HSPA4L: variants seen among roughly 807,000 people sequenced by gnomAD.
HSPA4L encodes heat shock 70 kDa protein 4L.
In HSPA4L, 48 loss-of-function variants were observed where a neutral mutation model predicts 100.3. The ratio of observed to expected loss-of-function variants is 0.48; its 90% CI spans 0.38 to 0.61. The LOEUF is 0.61. Ranked by LOEUF, HSPA4L falls within the 20% of genes least tolerant of loss-of-function variation. HSPA4L has a pLI of 0.00. For missense variants in HSPA4L, 886 were observed against 988.6 expected, an observed-to-expected ratio of 0.90 and a Z score of 1.39; for synonymous variants, 319 against 328.2, an observed-to-expected ratio of 0.97 and a Z score of 0.30.
chr4:127,812,955 G>A, intron 12 of HSPA4L: 1 of 815,804 alleles, frequency 1.2e-6, no homozygotes, highest in Non-Finnish European at 2.1e-6. Context: ...CAAGAATCTT[G>A]CCCTTAACTT....
In HSPA4L at chr4:127,803,775, T is replaced by C. The variant is rs1733264365; in HGVS notation, c.810T>C (p.Cys270=). 1 of 1,613,928 alleles carries C rather than the reference T, an allele frequency of 6.2e-7. No individual in the cohort carries two copies. Among genetic ancestry groups the C allele is most frequent in the Non-Finnish European group, 8.5e-7 (1 of 1,180,000 alleles). ...CCTTGTTGCGTTTATATCAGGAATG[T>C]GAAAAACTAAAGAAGCTAATGAGTG... The part of the protein sequence containing the change: ...SRALLRLYQE[C]EKLKKLMSAN... Residue 270 remains cysteine (C), a synonymous_variant, in exon 7 of 19, where the codon TGT becomes TGC. Coordinates refer to ENST00000296464, the MANE Select transcript of HSPA4L (RefSeq NM_014278.4).
upstream of HSPA4L, chr4:127,782,288 C>A (rs527743858): frequency 2.5e-5 from 12 of 471,046 alleles, no homozygotes; most frequent in East Asian, 5.0e-4. Context: ...AGGCGCAGGT[C>A]CCAGTAACCG....
At chr4:127,787,694 A>G (rs1055545528) in intron 1 of HSPA4L, among the ~76,000 whole-genome samples, 14 of 152,190 alleles carry the variant, frequency 9.2e-5, no homozygotes, top group Non-Finnish European at 2.1e-4. Flanking sequence ...CCATTGATAC[A>G]GTGACTGTTT....
chr4:127,813,926 G>C (rs1393462604), intron 12 of HSPA4L, among the ~76,000 whole-genome samples: 68 of 152,282 alleles, frequency 4.5e-4, no homozygotes, highest in Non-Finnish European at 1.0e-4. Flanking sequence ...TTACAGGTGT[G>C]AGCCACTGCG....
At chr4:127,799,491 G>T (rs1222857776) in intron 4 of HSPA4L, among the ~76,000 whole-genome samples, 4 of 152,056 alleles carry the variant, frequency 2.6e-5, no homozygotes, top group Non-Finnish European at 4.4e-5. Flanking sequence ...CAAAAAGTAG[G>T]ATACTGAGAT....
chr4:127,802,691 T>C (rs978322971), intron 6 of HSPA4L, among the ~76,000 whole-genome samples: 1 of 152,196 alleles, frequency 6.6e-6, no homozygotes, highest in African/African-American at 2.4e-5. Flanking sequence ...GAAAATCTGA[T>C]CAAGGCTATA....
intron 1 of HSPA4L, among the ~76,000 whole-genome samples, chr4:127,787,789 T>G (rs1330870773): frequency 6.6e-6 from 1 of 152,008 alleles, no homozygotes; most frequent in East Asian, 1.9e-4. Flanking sequence ...TTTGCTGAGA[T>G]GAGTGAAAAG....
chr4:127,805,668 G>C lies in HSPA4L; in HGVS notation c.1138-19G>C, dbSNP rs533891706. The C allele has an allele frequency of 3.9e-6, 6 of 1,546,452 alleles. No individual in the cohort carries two copies. In the South Asian group the frequency reaches 4.5e-5, roughly 12 times the overall value. On this transcript the variant is annotated intron_variant, in intron 9 of 18. Coordinates refer to ENST00000296464, the MANE Select transcript of HSPA4L (RefSeq NM_014278.4). ...TTTTGTATTTGTTGATTTAAATATG[G>C]TATACATCTTATTTTCAGTGTGCGA...
At chr4:127,832,352 T>C (rs974355064) in intron 18 of HSPA4L, among the ~76,000 whole-genome samples, 9 of 152,182 alleles carry the variant, frequency 5.9e-5, no homozygotes, top group Non-Finnish European at 1.2e-4. Flanking sequence ...GTAATTCTCA[T>C]AGCAAAGCAT....
intron 11 of HSPA4L, 83 bp downstream of exon 11, chr4:127,808,212 T>G: frequency 8.5e-7 from 1 of 1,174,722 alleles, no homozygotes; most frequent in East Asian, 2.4e-5. Flanking sequence ...CAAATAGACA[T>G]TTCAGCTAAG....
At chr4:127,826,549 C>T (rs1212096035) in intron 16 of HSPA4L, among the ~76,000 whole-genome samples, 8 of 152,128 alleles carry the variant, frequency 5.3e-5, no homozygotes, top group Non-Finnish European at 1.2e-4. Context: ...TAGTAATGCT[C>T]CAGTGGTAGT....
Position 127,839,022 on chromosome 4 carries a change from G to A in HSPA4L, c.*6148G>A, listed in dbSNP as rs183916277. ...TCTGGCCTTGGAATACTTTAATTCC[G>A]GACCAAAAGAGGTCAATTTTGTGAG... On this transcript the variant is annotated 3_prime_UTR_variant, in exon 19 of 19. Coordinates refer to ENST00000296464, the MANE Select transcript of HSPA4L (RefSeq NM_014278.4). 81 of 151,994 alleles carry A rather than the reference G, an allele frequency of 5.3e-4. No individual in the cohort carries two copies. The highest frequency in any genetic ancestry group is 1.7e-3 in the African/African-American group (69 of 41,418). 9.4% of individuals were successfully genotyped at this position (151,994 alleles called of 1,614,324 possible).
rs767436936 is a variant in HSPA4L at position 127,794,095 on chromosome 4, A to C, written c.126A>C (p.Gly42=). The change falls in exon 2 of 19, where the codon GGA becomes GGC. Residue 42 remains glycine, a synonymous_variant. Coordinates refer to ENST00000296464, the MANE Select transcript of HSPA4L (RefSeq NM_014278.4). Reference sequence around the variant, plus strand: ...GGTTTAGGGCCTGTATATCATTGGGATCAAGAACTCGAGCCATTGGAAATG... The same window carrying C: ...GGTTTAGGGCCTGTATATCATTGGGCTCAAGAACTCGAGCCATTGGAAATG... ...DRCTPACISL[G]SRTRAIGNAA... 4.3e-6 allele frequency: 7 copies of C among 1,610,520 alleles called. No individual in the cohort carries two copies. In the East Asian group the frequency reaches 1.6e-4, roughly 36 times the overall value.
Position 127,822,777 on chromosome 4 carries a change from G to A in HSPA4L, c.1821G>A (p.Met607Ile), listed in dbSNP as rs771745304. Reference sequence around the variant, plus strand: ...TGAAGCTTTTTGAATAGGGGAAGATGATCATGCAAGATAAGTTAGAGAAAG... The same window carrying A: ...TGAAGCTTTTTGAATAGGGGAAGATAATCATGCAAGATAAGTTAGAGAAAG... ...LNSYIENEGK[M>I]IMQDKLEKER... The change falls in exon 15 of 19, where the codon ATG becomes ATA. Residue 607 changes from methionine to isoleucine, a missense_variant. By Grantham distance (10) the Met-to-Ile change is conservative. Coordinates refer to ENST00000296464, the MANE Select transcript of HSPA4L (RefSeq NM_014278.4). The A allele has an allele frequency of 7.4e-6, 12 of 1,613,438 alleles. No homozygotes were observed. In the Admixed American group the frequency reaches 2.0e-4, roughly 27 times the overall value.
rs1440839250 is a variant in HSPA4L at position 127,801,367 on chromosome 4, T to C, written c.529+130T>C. The C allele has an allele frequency of 7.6e-6, 5 of 656,366 alleles. No individual in the cohort carries two copies. The East Asian group carries it at 8.4e-5, about 11-fold the overall frequency. The allele number at this position is 656,366 out of a possible 1,614,324, so 40.7% of individuals were successfully genotyped here. On this transcript the variant is annotated intron_variant, in intron 5 of 18. Transcript: ENST00000296464. Reference sequence around the variant, plus strand: ...TTGCTTGAGCCTGGGAGTTGAAAGCTGCAGTGAGCTATGATCATACCACTG... The same window carrying C: ...TTGCTTGAGCCTGGGAGTTGAAAGCCGCAGTGAGCTATGATCATACCACTG...
intron 3 of HSPA4L, 82 bp downstream of exon 3, chr4:127,795,990 A>C: frequency 7.1e-7 from 1 of 1,416,218 alleles, no homozygotes; most frequent in South Asian, 1.3e-5. Context: ...TTGTAGTTTG[A>C]CCTTTTTCCT....
At chr4:127,816,719 A>G (rs759076224) in intron 12 of HSPA4L, among the ~76,000 whole-genome samples, 20 of 152,362 alleles carry the variant, frequency 1.3e-4, no homozygotes, top group East Asian at 9.6e-4. Flanking sequence ...TATACTCCTG[A>G]TGACACACAG....
Position 127,832,911 on chromosome 4 carries a change from A to G in HSPA4L, c.*37A>G. 5.4e-6 allele frequency: 8 copies of G among 1,479,366 alleles called. No homozygotes were observed. The highest frequency in any genetic ancestry group is 5.5e-6 in the Non-Finnish European group (6 of 1,085,972). The allele number at this position is 1,479,366 out of a possible 1,614,324, so 91.6% of individuals were successfully genotyped here. ...ACCTTCACATTAATTCAAACCGTGC[A>G]AGTAACCACGGGGTCCATCTTTTAC... On this transcript the variant is annotated 3_prime_UTR_variant, in exon 19 of 19. Transcript: ENST00000296464.
chr4:127,800,555 A>G lies in HSPA4L; in HGVS notation c.430-583A>G, dbSNP rs1733148203. ...TTCAATGTTATTTGGTGATTGTTAA[A>G]GGAAATTCCTATTTATCACAAGTTC... On this transcript the variant is annotated intron_variant, in intron 4 of 18. Transcript: ENST00000296464. Among the ~76,000 whole-genome samples the G allele has an allele frequency of 1.3e-5, 2 of 152,188 alleles. 1 individual carries two copies. The highest frequency in any genetic ancestry group is 4.1e-4 in the South Asian group (2 of 4,834).
Sources: allele counts gnomAD v4.1 joint callset (sites outside exome capture counted in the v4.1 genomes callset), GRCh38; gene constraint gnomAD v4.1.1; transcripts MANE v1.5; gene names NCBI Gene and HGNC (gene_info 2026-07-23, HGNC 2026-07-21).